Variants in SEPTIN14 observed in about 807,000 individuals in gnomAD.
The protein encoded by SEPTIN14 is septin 14.
Under a neutral mutation model 53.6 loss-of-function variants are expected in SEPTIN14, and 40 were observed. The ratio of observed to expected loss-of-function variants is 0.75; its 90% CI spans 0.58 to 0.97. The LOEUF is 0.97. Ranked by LOEUF, SEPTIN14 falls within the 50% of genes least tolerant of loss-of-function variation. The pLI is 0.00. For missense variants in SEPTIN14, 471 were observed against 508.2 expected, an observed-to-expected ratio of 0.93 and a Z score of 0.70; for synonymous variants, 138 against 166.8, an observed-to-expected ratio of 0.83 and a Z score of 1.33.
intron 7 of SEPTIN14, among the ~76,000 whole-genome samples, chr7:55,808,347 A>G (rs1392236908): frequency 6.6e-6 from 1 of 152,222 alleles, no homozygotes; most frequent in Non-Finnish European, 1.5e-5. Context: ...CCACTAGGGT[A>G]CATACCCAGT....
Position 55,801,901 on chromosome 7 carries a change from A to G in SEPTIN14, c.1119+3357T>C, listed in dbSNP as rs537649112. On this transcript the variant is annotated intron_variant, in intron 9 of 9. Coordinates refer to ENST00000388975, the MANE Select transcript of SEPTIN14 (RefSeq NM_207366.3). ...GTGCCACTTCACTCCAGCCTGGGTG[A>G]CACAGCGAGATCTTGTCTTAAATAG... is the stretch of plus-strand genomic sequence containing the variant. 2.6e-5 allele frequency among the ~76,000 whole-genome samples: 4 copies of G among 152,268 alleles called. No individual in the cohort carries two copies. In the East Asian group the frequency reaches 7.7e-4, roughly 29 times the overall value.
rs138916970 is a variant in SEPTIN14, at chr7:55,842,863, G to A, written c.558+79C>T. On this transcript the variant is annotated intron_variant, in intron 5 of 9. Coordinates refer to ENST00000388975, the MANE Select transcript of SEPTIN14 (RefSeq NM_207366.3). ...GGGAGGCGGAGCTTGCGGTGAGATC[G>A]CACCACTGCACTCCAGCCTGGGCGA... The A allele has an allele frequency of 5.3e-3, 4,490 of 849,306 alleles. 40 individuals carry two copies. The highest frequency in any genetic ancestry group is 0.029 in the African/African-American group (1,640 of 56,872). 52.6% of individuals were successfully genotyped at this position (849,306 alleles called of 1,614,324 possible).
At chr7:55,796,827 A>G (rs747020013) in intron 9 of SEPTIN14, among the ~76,000 whole-genome samples, 1 of 152,074 alleles carries the variant, frequency 6.6e-6, no homozygotes, top group African/African-American at 2.4e-5. Flanking sequence ...AAAAAAGAAT[A>G]AAAAAGAGAA....
intron 6 of SEPTIN14, among the ~76,000 whole-genome samples, chr7:55,829,057 T>C (rs1054286357): frequency 6.6e-6 from 1 of 151,938 alleles, no homozygotes; most frequent in African/African-American, 2.4e-5. Flanking sequence ...AAAAAACCTG[T>C]TTTGTTTTTT....
chr7:55,839,338 G>A (rs1170403189), intron 5 of SEPTIN14, among the ~76,000 whole-genome samples: 15 of 149,342 alleles, frequency 1.0e-4, no homozygotes, highest in Admixed American at 2.0e-4. Flanking sequence ...GCAGTGAGCC[G>A]AGATTGTGCC....
intron 5 of SEPTIN14, among the ~76,000 whole-genome samples, chr7:55,838,666 C>T (rs1789251856): frequency 6.6e-6 from 1 of 151,814 alleles, no homozygotes; most frequent in Admixed American, 6.6e-5. Flanking sequence ...CAGCCTGGAA[C>T]TCCTGGGCTC....
chr7:55,838,432 A>G (rs1171855072), intron 5 of SEPTIN14, among the ~76,000 whole-genome samples: 1 of 150,778 alleles, frequency 6.6e-6, no homozygotes, highest in Non-Finnish European at 1.5e-5. Flanking sequence ...GGCATCCCCC[A>G]TTTTCCACAG....
intron 6 of SEPTIN14, among the ~76,000 whole-genome samples, chr7:55,820,327 C>T (rs1173555506): frequency 6.6e-6 from 1 of 152,126 alleles, no homozygotes; most frequent in Non-Finnish European, 1.5e-5. Context: ...TTTTACATTA[C>T]TTAGCATTTC....
chr7:55,796,686 A>G (rs112883294), intron 9 of SEPTIN14, among the ~76,000 whole-genome samples: 64,654 of 151,758 alleles, frequency 0.43, 14,482 homozygotes, highest in African/African-American at 0.57. Flanking sequence ...AGGCCAAGGC[A>G]GAAGGATCGC....
chr7:55,802,791 A>G (rs1788544167), intron 9 of SEPTIN14, among the ~76,000 whole-genome samples: 1 of 152,174 alleles, frequency 6.6e-6, no homozygotes, highest in East Asian at 1.9e-4. Flanking sequence ...CAAAAAAAAA[A>G]ATCAACAGAC....
chr7:55,833,012 A>G (rs1189018370), intron 6 of SEPTIN14, among the ~76,000 whole-genome samples: 1 of 152,184 alleles, frequency 6.6e-6, no homozygotes, highest in African/African-American at 2.4e-5. Context: ...AAACACCTAC[A>G]TCTTTTTTTA....
intron 3 of SEPTIN14, among the ~76,000 whole-genome samples, chr7:55,846,065 GTA>G (rs56306800): frequency 0.02 from 778 of 39,730 alleles, 59 homozygotes; most frequent in African/African-American, 0.052. Flanking sequence ...AAAAAAAAAA[GTA>G]TATATATATA....
rs1205630074 is a variant in SEPTIN14, at chr7:55,795,501, CTT to C, written c.*410_*411del. 3.1e-5 allele frequency: 4 copies of C among 127,458 alleles called. No individual in the cohort carries two copies. Among genetic ancestry groups the C allele is most frequent in the Non-Finnish European group, 4.8e-5 (3 of 63,014 alleles). The allele number at this position is 127,458 out of a possible 1,614,324, so 7.9% of individuals were successfully genotyped here. A position where few individuals can be genotyped will look rare whatever the true frequency, so the allele number is the denominator to read the frequency against. ...TTTTTTTTTGAGGCGGAGTTTTGCT[CTT>C]GTCACCCAGGCTGGAGTACAATGGT... On this transcript the variant is annotated 3_prime_UTR_variant, in exon 10 of 10. Transcript: ENST00000388975.
chr7:55,795,945 C>T lies in SEPTIN14; in HGVS notation c.1267G>A (p.Asp423Asn), dbSNP rs375725275. Residue 423 changes from aspartate to asparagine, a missense_variant, in exon 10 of 10, where the codon GAT becomes AAT. Coordinates refer to ENST00000388975, the MANE Select transcript of SEPTIN14 (RefSeq NM_207366.3). ...SEALQTQLST[D>N]TKKDKHRKK ...TTACGATGTTTGTCTTTCTTTGTAT[C>T]GGTGCTCAGCTGAGTCTGCAGTGCT... 1.8e-5 allele frequency: 29 copies of T among 1,594,404 alleles called. No individual in the cohort carries two copies. The highest frequency in any genetic ancestry group is 7.7e-5 in the South Asian group (7 of 90,916).
At chr7:55,813,307 T>C (rs184317254) in intron 7 of SEPTIN14, among the ~76,000 whole-genome samples, 2 of 152,262 alleles carry the variant, frequency 1.3e-5, no homozygotes, top group South Asian at 2.1e-4. Flanking sequence ...CAGAGATAGA[T>C]AGGAACTTAA....
At chr7:55,799,775 G>A (rs778400336) in intron 9 of SEPTIN14, among the ~76,000 whole-genome samples, 3 of 152,058 alleles carry the variant, frequency 2.0e-5, no homozygotes, top group Non-Finnish European at 4.4e-5. Context: ...GAAACTTACA[G>A]CAATATGAGA....
chr7:55,854,567 C>T (rs1180127252), intron 2 of SEPTIN14, among the ~76,000 whole-genome samples: 1 of 151,970 alleles, frequency 6.6e-6, no homozygotes, highest in Non-Finnish European at 1.5e-5. Context: ...GCAGCTGGGA[C>T]CATAGGCACC....
intron 5 of SEPTIN14, among the ~76,000 whole-genome samples, chr7:55,837,146 T>C (rs1475707365): frequency 6.6e-6 from 1 of 151,530 alleles, no homozygotes; most frequent in Non-Finnish European, 1.5e-5. Flanking sequence ...GAGAGGGTCT[T>C]GATCTGTGGC....
intron 2 of SEPTIN14, among the ~76,000 whole-genome samples, chr7:55,853,717 T>C (rs1173213695): frequency 6.6e-6 from 1 of 152,198 alleles, no homozygotes; most frequent in Non-Finnish European, 1.5e-5. Flanking sequence ...CTTAAGGTAG[T>C]GGATACTCCA....
Sources: gnomAD v4.1 joint callset for allele counts (sites outside exome capture counted in the v4.1 genomes callset) on GRCh38, gnomAD v4.1.1 for gene constraint, MANE v1.5 for transcripts, NCBI Gene and HGNC (gene_info 2026-07-23, HGNC 2026-07-21) for gene names.